Variants in SGCZ observed in about 807,000 individuals in gnomAD.
SGCZ encodes the protein sarcoglycan zeta.
A neutral mutation model predicts 41.3 loss-of-function variants in SGCZ; 40 were observed. That is an observed-to-expected ratio of 0.97 (90% confidence interval 0.75 to 1.26). The LOEUF (loss-of-function observed/expected upper bound fraction) is 1.26. Among genes scored for constraint, SGCZ ranks in the 50% most tolerant of loss-of-function variants. SGCZ has a pLI of 0.00. For missense variants in SGCZ, 552 were observed against 369.8 expected, an observed-to-expected ratio of 1.49 and a Z score of -4.04; for synonymous variants, 206 against 137.5, an observed-to-expected ratio of 1.50 and a Z score of -3.49.
At chr8:14,256,931 T>A (rs1272422007) in intron 3 of SGCZ, among the ~76,000 whole-genome samples, 2 of 152,202 alleles carry the variant, frequency 1.3e-5, no homozygotes, top group Non-Finnish European at 2.9e-5. Context: ...GTTAGACGTA[T>A]ATAATAGAGT....
At chr8:14,109,969 G>T (rs9643910) in intron 5 of SGCZ, among the ~76,000 whole-genome samples, 145,532 of 152,228 alleles carry the variant, frequency 0.96, 69,642 homozygotes, top group East Asian at 1. Context: ...TCTCTCTGTC[G>T]CTCCTGAGAC....
chr8:14,977,785 C>G (rs1479019433), intron 1 of SGCZ, among the ~76,000 whole-genome samples: 1 of 151,326 alleles, frequency 6.6e-6, no homozygotes, highest in Non-Finnish European at 1.5e-5. Context: ...TATTTTTAAA[C>G]CAAAAAGCTA....
At chr8:14,856,370 C>A (rs1803545588) in intron 1 of SGCZ, among the ~76,000 whole-genome samples, 1 of 152,132 alleles carries the variant, frequency 6.6e-6, no homozygotes, top group African/African-American at 2.4e-5. Flanking sequence ...GGGTTTGAGG[C>A]AAGAAGGCCA....
At chr8:14,898,318 G>T (rs911535847) in intron 1 of SGCZ, among the ~76,000 whole-genome samples, 1 of 152,160 alleles carries the variant, frequency 6.6e-6, no homozygotes, top group African/African-American at 2.4e-5. Context: ...GGAAGGCAAA[G>T]CTATGCAATG....
intron 3 of SGCZ, among the ~76,000 whole-genome samples, chr8:14,250,927 A>T (rs987750736): frequency 2.0e-5 from 3 of 152,124 alleles, no homozygotes; most frequent in African/African-American, 7.2e-5. Flanking sequence ...AGAGATGTGT[A>T]TGTTAAATGA....
chr8:14,401,557 G>GA (rs1799077402), intron 2 of SGCZ, among the ~76,000 whole-genome samples: 1 of 149,980 alleles, frequency 6.7e-6, no homozygotes, highest in Admixed American at 6.6e-5. Context: ...TTGTTCTTGC[G>GA]ATAGTTTACT....
intron 1 of SGCZ, among the ~76,000 whole-genome samples, chr8:14,899,778 G>C (rs1466787536): frequency 6.6e-6 from 1 of 151,960 alleles, no homozygotes; most frequent in African/African-American, 2.4e-5. Flanking sequence ...AGGGAGAAAA[G>C]ACAGAGGGAG....
rs1335403268 is a variant in SGCZ at position 14,401,519 on chromosome 8, T to C, written c.235-77315A>G. Among the ~76,000 whole-genome samples the C allele has an allele frequency of 3.4e-5, 5 of 146,770 alleles. No individual in the cohort carries two copies. In the East Asian group the frequency reaches 1.0e-3, roughly 30 times the overall value. On this transcript the variant is annotated intron_variant, in intron 2 of 7. Transcript: ENST00000382080. ...GATCTCATTGTTCAGTTCCCACCTG[T>C]GAGTGAGAATATGCGGTGTTTGGTT...
At chr8:14,412,723 T>G (rs1453834182) in intron 2 of SGCZ, among the ~76,000 whole-genome samples, 1 of 152,010 alleles carries the variant, frequency 6.6e-6, no homozygotes, top group East Asian at 1.9e-4. Context: ...GTATTCAATA[T>G]GCACAATATG....
intron 1 of SGCZ, among the ~76,000 whole-genome samples, chr8:15,234,310 A>G (rs532216207): frequency 2.0e-5 from 3 of 152,304 alleles, no homozygotes; most frequent in African/African-American, 7.2e-5. Context: ...TTCTAATATC[A>G]ATATTCATTA....
chr8:14,511,822 G>A (rs1802476295), intron 2 of SGCZ, among the ~76,000 whole-genome samples: 1 of 152,026 alleles, frequency 6.6e-6, no homozygotes, highest in African/African-American at 2.4e-5. Flanking sequence ...TATTTGCTAG[G>A]TTAGGCTTGT....
At chr8:15,141,968 T>C (rs1798895561) in intron 1 of SGCZ, among the ~76,000 whole-genome samples, 1 of 151,794 alleles carries the variant, frequency 6.6e-6, no homozygotes, top group African/African-American at 2.4e-5. Context: ...AAGGAGCCTG[T>C]AGCAGTGGAA....
intron 3 of SGCZ, among the ~76,000 whole-genome samples, chr8:14,241,615 T>C (rs1798896118): frequency 6.6e-6 from 1 of 151,800 alleles, no homozygotes; most frequent in African/African-American, 2.4e-5. Flanking sequence ...AAATCTCCTA[T>C]AACAGAAATA....
intron 4 of SGCZ, among the ~76,000 whole-genome samples, chr8:14,179,008 T>C (rs756342995): frequency 4.6e-5 from 7 of 152,124 alleles, no homozygotes; most frequent in Admixed American, 4.6e-4. Flanking sequence ...AAGACAAGGA[T>C]TGAGTCCATA....
chr8:14,687,639 G>C (rs553619236), intron 1 of SGCZ, among the ~76,000 whole-genome samples: 20 of 151,882 alleles, frequency 1.3e-4, no homozygotes, highest in Non-Finnish European at 2.4e-4. Flanking sequence ...ATTGTGAATA[G>C]TGCTGCAATA....
chr8:14,391,361 G>A (rs1804764088), intron 2 of SGCZ, among the ~76,000 whole-genome samples: 1 of 151,820 alleles, frequency 6.6e-6, no homozygotes, highest in Non-Finnish European at 1.5e-5. Context: ...AAGAAACAAA[G>A]AAAAAATTCA....
At chr8:14,250,363 C>T (rs560955436) in intron 3 of SGCZ, among the ~76,000 whole-genome samples, 14 of 152,276 alleles carry the variant, frequency 9.2e-5, no homozygotes, top group African/African-American at 2.9e-4. Context: ...GGAAAGACTG[C>T]TCACAAAAAT....
chr8:14,125,437 G>A (rs1237515013), intron 5 of SGCZ, among the ~76,000 whole-genome samples: 2 of 151,156 alleles, frequency 1.3e-5, no homozygotes, highest in African/African-American at 2.4e-5. Flanking sequence ...CAGGGAGGCA[G>A]AGCTCGCAGT....
intron 1 of SGCZ, among the ~76,000 whole-genome samples, chr8:15,091,465 C>A (rs1585553234): frequency 6.6e-6 from 1 of 152,308 alleles, no homozygotes; most frequent in Non-Finnish European, 1.5e-5. Flanking sequence ...CATTCAATGC[C>A]ATGTAAGATT....
Sources: allele counts gnomAD v4.1 joint callset (sites outside exome capture counted in the v4.1 genomes callset), GRCh38; gene constraint gnomAD v4.1.1; transcripts MANE v1.5; gene names NCBI Gene and HGNC (gene_info 2026-07-23, HGNC 2026-07-21).